The following FOXP2 variants were observed in gnomAD, a reference collection of about 807,000 sequenced individuals.
FOXP2 encodes the protein forkhead box protein P2.
FOXP2 carries 12 observed loss-of-function variants against 115.8 expected under a neutral mutation model. That is an observed-to-expected ratio of 0.10 (90% CI 0.07 to 0.17). The LOEUF (loss-of-function observed/expected upper bound fraction) is 0.17, where lower values mean the gene tolerates loss of function less well. Ranked by LOEUF, FOXP2 falls within the 10% of genes least tolerant of loss-of-function variation. The pLI is 1.00. For missense variants in FOXP2, 629 were observed against 843.5 expected, an observed-to-expected ratio of 0.75 and a Z score of 3.15; for synonymous variants, 328 against 297.7, an observed-to-expected ratio of 1.10 and a Z score of -1.05.
chr7:114,345,391 G>C (rs1791322505), intron 2 of FOXP2, among the ~76,000 whole-genome samples: 1 of 151,770 alleles, frequency 6.6e-6, no homozygotes, highest in Admixed American at 6.6e-5. Context: ...GTTATTTACT[G>C]TTATTCTATA....
At chr7:114,410,364 A>G (rs1393717672), upstream of FOXP2, among the ~76,000 whole-genome samples, 1 of 152,130 alleles carries the variant, frequency 6.6e-6, no homozygotes, top group Non-Finnish European at 1.5e-5. Flanking sequence ...TTAGGGAAAC[A>G]TTGTGGCAGA....
intron 3 of FOXP2, among the ~76,000 whole-genome samples, chr7:114,554,356 A>G (rs1468082821): frequency 6.6e-6 from 1 of 152,114 alleles, no homozygotes; most frequent in Non-Finnish European, 1.5e-5. Context: ...TGTGTTTACC[A>G]TTGTGCTTTT....
chr7:114,650,428 G>T (rs7799652), intron 8 of FOXP2, among the ~76,000 whole-genome samples: 66,023 of 150,462 alleles, frequency 0.44, 15,462 homozygotes, highest in Middle Eastern at 0.54. Context: ...AGTTCATGGT[G>T]AAAAAAAAAA....
At chr7:114,252,240 G>T (rs1795466403) in intron 1 of FOXP2, among the ~76,000 whole-genome samples, 1 of 152,092 alleles carries the variant, frequency 6.6e-6, no homozygotes, top group South Asian at 2.1e-4. Flanking sequence ...CAGGGATATT[G>T]GTCTAAAATT....
intron 2 of FOXP2, among the ~76,000 whole-genome samples, chr7:114,308,653 T>A (rs1421685438): frequency 6.6e-6 from 1 of 152,204 alleles, no homozygotes; most frequent in South Asian, 2.1e-4. Context: ...TCTTCTACAA[T>A]CCAGATGCCT....
At chr7:114,116,208 A>G (rs1791404102) in intron 1 of FOXP2, among the ~76,000 whole-genome samples, 1 of 152,102 alleles carries the variant, frequency 6.6e-6, no homozygotes, top group Non-Finnish European at 1.5e-5. Flanking sequence ...GAGGGAATTA[A>G]CCTATGGGTC....
chr7:114,343,140 T>C (rs74467667), intron 2 of FOXP2, among the ~76,000 whole-genome samples: 2,416 of 151,652 alleles, frequency 0.016, 49 homozygotes, highest in African/African-American at 0.046. Context: ...TAATACTTCA[T>C]GGTTTACAAA....
intron 1 of FOXP2, among the ~76,000 whole-genome samples, chr7:114,088,980 A>G (rs1002983041): frequency 3.9e-5 from 6 of 152,196 alleles, no homozygotes; most frequent in Non-Finnish European, 8.8e-5. Flanking sequence ...AAGAGTGGGT[A>G]TAAAATTCTG....
Position 114,187,756 on chromosome 7 carries a change from G to A in FOXP2, c.-102+24668G>A, listed in dbSNP as rs557360973. Among the ~76,000 whole-genome samples, 175 of 152,244 alleles carry A rather than the reference G, an allele frequency of 1.1e-3. 1 individual carries two copies. Among genetic ancestry groups the A allele is most frequent in the Admixed American group, 3.3e-3 (50 of 15,284 alleles). On this transcript the variant is annotated intron_variant, in intron 1 of 17. Coordinates refer to the FOXP2 transcript ENST00000634411. ...TAGTCTGTCTTGTGCTGCTGTAACA[G>A]AATATCACAGACTGAGTAATTTATA...
chr7:114,398,562 G>A (rs1028759290), intron 2 of FOXP2, among the ~76,000 whole-genome samples: 4 of 152,080 alleles, frequency 2.6e-5, no homozygotes, highest in Admixed American at 6.6e-5. Context: ...ATTTAAATTC[G>A]GTAACAAGTT....
chr7:114,235,775 C>A (rs1003354530), intron 1 of FOXP2, among the ~76,000 whole-genome samples: 1 of 152,146 alleles, frequency 6.6e-6, no homozygotes, highest in South Asian at 2.1e-4. Flanking sequence ...GGGACTCTTA[C>A]CTCATTATCA....
At chr7:114,589,991 A>G (rs1439216379) in intron 3 of FOXP2, among the ~76,000 whole-genome samples, 3 of 152,108 alleles carry the variant, frequency 2.0e-5, no homozygotes, top group Admixed American at 2.0e-4. Flanking sequence ...TTATTCTGTT[A>G]TACTAAACCA....
chr7:114,284,853 A>G (rs944728279), intron 1 of FOXP2, among the ~76,000 whole-genome samples: 4 of 152,324 alleles, frequency 2.6e-5, no homozygotes, highest in African/African-American at 7.2e-5. Context: ...AGTCATAAAA[A>G]GAAATGAGGT....
chr7:114,431,903 T>C (rs1214268870), intron 2 of FOXP2, among the ~76,000 whole-genome samples: 1 of 151,968 alleles, frequency 6.6e-6, no homozygotes, highest in African/African-American at 2.4e-5. Flanking sequence ...AGTATACTTA[T>C]CTTGTCATTT....
intron 3 of FOXP2, among the ~76,000 whole-genome samples, chr7:114,545,412 A>T (rs1799866420): frequency 6.6e-6 from 1 of 152,198 alleles, no homozygotes; most frequent in Non-Finnish European, 1.5e-5. Context: ...GATCATTTCC[A>T]ACAATATTGT....
chr7:114,313,906 G>T (rs1461432918), intron 2 of FOXP2, among the ~76,000 whole-genome samples: 1 of 152,010 alleles, frequency 6.6e-6, no homozygotes, highest in Non-Finnish European at 1.5e-5. Context: ...CTTGAGTCTA[G>T]TTGTAACTGA....
intron 2 of FOXP2, among the ~76,000 whole-genome samples, chr7:114,338,748 TCACACACACACACA>T (rs56411270): frequency 1.4e-5 from 2 of 146,628 alleles, no homozygotes; most frequent in African/African-American, 2.5e-5. Flanking sequence ...GTCAAGATGT[TCACACACACACACA>T]CACACACACA....
chr7:114,383,436 G>A (rs1792361059), intron 2 of FOXP2, among the ~76,000 whole-genome samples: 1 of 152,114 alleles, frequency 6.6e-6, no homozygotes, highest in African/African-American at 2.4e-5. Context: ...ATTAGTTGGG[G>A]AAGGAGTCAG....
intron 1 of FOXP2, among the ~76,000 whole-genome samples, chr7:114,126,510 A>C (rs1276567002): frequency 6.6e-6 from 1 of 152,150 alleles, no homozygotes; most frequent in Non-Finnish European, 1.5e-5. Flanking sequence ...GGGTTTATCA[A>C]CTAAAGCTAT....
Sources: allele counts gnomAD v4.1 joint callset (sites outside exome capture counted in the v4.1 genomes callset), GRCh38; gene constraint gnomAD v4.1.1; transcripts MANE v1.5; gene names NCBI Gene and HGNC (gene_info 2026-07-23, HGNC 2026-07-21).